The following CLIP4 variants were observed in gnomAD, a reference collection of about 807,000 sequenced individuals.
The protein encoded by CLIP4 is CAP-Gly domain-containing linker protein 4.
CLIP4 carries 47 observed loss-of-function variants against 73.1 expected under a neutral mutation model. The ratio of observed to expected loss-of-function variants is 0.64; its 90% confidence interval spans 0.51 to 0.82. The LOEUF is 0.82. Ranked by LOEUF, CLIP4 falls within the 40% of genes least tolerant of loss-of-function variation. The probability of loss-of-function intolerance (pLI) is 0.00; values close to 1 mark genes in which losing one functional copy is unlikely to be tolerated. For missense variants in CLIP4, 874 were observed against 852.9 expected, an observed-to-expected ratio of 1.02 and a Z score of -0.31; for synonymous variants, 306 against 295.4, an observed-to-expected ratio of 1.04 and a Z score of -0.37.
intron 14 of CLIP4, among the ~76,000 whole-genome samples, chr2:29,173,436 A>G (rs1425240969): frequency 6.6e-6 from 1 of 152,162 alleles, no homozygotes; most frequent in Non-Finnish European, 1.5e-5. Flanking sequence ...GAGAATCTCC[A>G]TTTGGAGGCC....
chr2:29,157,175 C>T (rs1267233664), intron 10 of CLIP4, 29 bp from the exon 11 acceptor site: 2 of 1,601,992 alleles, frequency 1.2e-6, no homozygotes, highest in African/African-American at 1.3e-5. Flanking sequence ...TTATTTTCCA[C>T]CGTTTGACAC....
intron 1 of CLIP4, 113 bp from the exon 2 acceptor site, chr2:29,121,261 T>G (rs17693414): frequency 0.09 from 97,150 of 1,076,240 alleles, 5,024 homozygotes; most frequent in African/African-American, 0.12. Flanking sequence ...AGATCCTTAC[T>G]GAAAATGTCA....
In CLIP4 at chr2:29,104,009, C is replaced by T. The variant is rs577270863; in HGVS notation, c.-16+6062C>T. Among the ~76,000 whole-genome samples, 80 of 151,936 alleles carry T rather than the reference C, an allele frequency of 5.3e-4. 1 individual carries two copies. The highest frequency in any genetic ancestry group is 1.9e-3 in the African/African-American group (77 of 41,422). Reference sequence around the variant, plus strand: ...GGTGTGAGCCACCACACCCCGCCAGCACTGCTCTGTTTTTAAACTGAGGCC... The same window carrying T: ...GGTGTGAGCCACCACACCCCGCCAGTACTGCTCTGTTTTTAAACTGAGGCC... On this transcript the variant is annotated intron_variant, in intron 1 of 14. Coordinates refer to the CLIP4 transcript ENST00000401605.
intron 12 of CLIP4, among the ~76,000 whole-genome samples, chr2:29,163,255 C>A (rs1185572254): frequency 6.6e-6 from 1 of 151,024 alleles, no homozygotes; most frequent in African/African-American, 2.4e-5. Flanking sequence ...TAAACCTTTT[C>A]ATTTAGGTAA....
rs760697191 is a variant in CLIP4, at chr2:29,181,592, G to A, written c.1817G>A (p.Arg606His). Residue 606 changes from arginine (R) to histidine (H), a missense_variant, in exon 16 of 16, where the codon CGC (arginine) becomes CAC (histidine). By Grantham distance (29) the Arg-to-His change is conservative (BLOSUM62 0). Transcript: ENST00000320081. ...CACAGATCGAAAGCTGCTTTGCGTC[G>A]CAGTTGGAGCAGCACCCCCACCGCA... ...AFSKSKAALR[R>H]SWSSTPTAGG... 1.6e-5 allele frequency: 25 copies of A among 1,607,722 alleles called. No individual in the cohort carries two copies. Among genetic ancestry groups the A allele is most frequent in the Non-Finnish European group, 2.0e-5 (23 of 1,175,674 alleles).
intron 14 of CLIP4, among the ~76,000 whole-genome samples, chr2:29,169,852 T>C (rs919307326): frequency 6.6e-6 from 1 of 152,140 alleles, no homozygotes; most frequent in African/African-American, 2.4e-5. Flanking sequence ...CTAGAACTTA[T>C]CCCTTCTATT....
chr2:29,129,648 G>A (rs930484148), intron 2 of CLIP4, among the ~76,000 whole-genome samples: 1 of 151,862 alleles, frequency 6.6e-6, no homozygotes, highest in Non-Finnish European at 1.5e-5. Context: ...TTTTATTTGA[G>A]TGCTGTAGGG....
rs138745033 is a variant in CLIP4 at position 29,144,186 on chromosome 2, A to G, written c.885+241A>G. Among the ~76,000 whole-genome samples the G allele has an allele frequency of 3.2e-3, 486 of 152,348 alleles. 3 individuals carry two copies. The highest frequency in any genetic ancestry group is 4.4e-3 in the Non-Finnish European group (299 of 68,032). On this transcript the variant is annotated intron_variant, in intron 7 of 15. Transcript: ENST00000320081. ...ATTTGAATAAAGAGTGGAGTGGAGT[A>G]GAACTCTTGAGTGAATTTAGAAGCA...
intron 13 of CLIP4, among the ~76,000 whole-genome samples, chr2:29,165,319 T>C (rs1376776016): frequency 2.0e-5 from 3 of 152,284 alleles, no homozygotes; most frequent in East Asian, 1.9e-4. Context: ...CTACGAATAG[T>C]GCTTATACAT....
In CLIP4 at chr2:29,157,364, C is replaced by T. The variant is rs1391235942; in HGVS notation, c.1399+17C>T. The T allele has an allele frequency of 6.2e-7, 1 of 1,613,896 alleles. No homozygotes were observed. Among genetic ancestry groups the T allele is most frequent in the Non-Finnish European group, 8.5e-7 (1 of 1,179,840 alleles). Reference sequence around the variant, plus strand: ...CCAGTGCTGGTATCTATGGCTTTTTCAACCAGGCTTTCTTGGTGTTTTTTA... The same window carrying T: ...CCAGTGCTGGTATCTATGGCTTTTTTAACCAGGCTTTCTTGGTGTTTTTTA... On this transcript the variant is annotated intron_variant, in intron 11 of 15. Coordinates refer to ENST00000320081, the MANE Select transcript of CLIP4 (RefSeq NM_024692.6).
At chr2:29,125,436 C>G (rs1452218392) in intron 2 of CLIP4, among the ~76,000 whole-genome samples, 1 of 152,164 alleles carries the variant, frequency 6.6e-6, no homozygotes, top group Non-Finnish European at 1.5e-5. Context: ...GCATCCATCT[C>G]TGCTGTATTC....
At chr2:29,146,869 C>T (rs535126202) in intron 8 of CLIP4, among the ~76,000 whole-genome samples, 1 of 152,316 alleles carries the variant, frequency 6.6e-6, no homozygotes, top group South Asian at 2.1e-4. Context: ...TAGAACAGTG[C>T]ATGATTCCCT....
chr2:29,174,436 C>A lies in CLIP4; in HGVS notation c.1787C>A (p.Ala596Asp). 6.2e-7 allele frequency: 1 copy of A among 1,611,444 alleles called. No homozygotes were observed. The highest frequency in any genetic ancestry group is 1.3e-5 in the African/African-American group (1 of 74,908). Reference protein sequence around the residue: ...SSQKEINRRNAFSKSKAALRR... With the variant: ...SSQKEINRRNDFSKSKAALRR... ...CAAAAGGAGATTAACAGAAGAAATG[C>A]TTTTTCCAAGTGAGTATTAAGAAGA... The change falls in exon 15 of 16, where the codon GCT becomes GAT. Residue 596 changes from alanine to aspartate, a missense_variant. Coordinates refer to ENST00000320081, the MANE Select transcript of CLIP4 (RefSeq NM_024692.6).
At chr2:29,107,665 C>T (rs570049265) in intron 1 of CLIP4, among the ~76,000 whole-genome samples, 6 of 151,740 alleles carry the variant, frequency 4.0e-5, no homozygotes, top group South Asian at 2.1e-4. Context: ...TGAGCCACCA[C>T]GCCTGGCTGA....
chr2:29,161,601 G>A (rs571274093), intron 12 of CLIP4, among the ~76,000 whole-genome samples: 13 of 152,178 alleles, frequency 8.5e-5, no homozygotes, highest in Non-Finnish European at 1.5e-5. Context: ...AGTCATAGCA[G>A]TAGCCAGAGT....
chr2:29,166,120 C>G (rs895163851), intron 13 of CLIP4, among the ~76,000 whole-genome samples: 1 of 151,956 alleles, frequency 6.6e-6, no homozygotes, highest in African/African-American at 2.4e-5. Flanking sequence ...ATTCTATAAG[C>G]GAATAAAACA....
chr2:29,164,646 A>G (rs1667490610), intron 13 of CLIP4, among the ~76,000 whole-genome samples: 2 of 152,174 alleles, frequency 1.3e-5, no homozygotes, highest in African/African-American at 2.4e-5. Flanking sequence ...TAATCTTTAA[A>G]TGAGAGATAA....
At chr2:29,128,691 T>G (rs1664775874) in intron 2 of CLIP4, among the ~76,000 whole-genome samples, 1 of 152,174 alleles carries the variant, frequency 6.6e-6, no homozygotes, top group Non-Finnish European at 1.5e-5. Flanking sequence ...GATAATAGAT[T>G]CATTCAATTT....
At chr2:29,106,306 C>T (rs1668205648) in intron 1 of CLIP4, among the ~76,000 whole-genome samples, 1 of 152,184 alleles carries the variant, frequency 6.6e-6, no homozygotes, top group Non-Finnish European at 1.5e-5. Flanking sequence ...ATAACTAGAT[C>T]TCATTACCCT....
Sources: gnomAD v4.1 joint callset for allele counts (sites outside exome capture counted in the v4.1 genomes callset) on GRCh38, gnomAD v4.1.1 for gene constraint, MANE v1.5 for transcripts, NCBI Gene and HGNC (gene_info 2026-07-23, HGNC 2026-07-21) for gene names.